Variants in RELCH observed in about 807,000 individuals in gnomAD.
The protein encoded by RELCH is RAB11-binding protein RELCH.
In RELCH, 41 loss-of-function variants were observed where a neutral mutation model predicts 150.3. The ratio of observed to expected loss-of-function variants is 0.27; its 90% CI spans 0.21 to 0.35. The LOEUF (loss-of-function observed/expected upper bound fraction) is 0.35. RELCH is among the 10% of genes least tolerant of loss of function. The pLI, the probability that RELCH is intolerant of heterozygous loss-of-function variation, is 1.00. For missense variants in RELCH, 1,092 were observed against 1,467.8 expected (o/e 0.74, Z 4.18); for synonymous variants, 478 against 531.8 (o/e 0.90, Z 1.39).
chr18:62,213,729 CA>C (rs5825484), intron 2 of RELCH, among the ~76,000 whole-genome samples: 98 of 80,456 alleles, frequency 1.2e-3, no homozygotes, highest in Non-Finnish European at 1.4e-3. Flanking sequence ...GACTCAGTCT[CA>C]AAAAAAAAAA....
rs2045907666 is a variant in RELCH at position 62,307,264 on chromosome 18, T to TTTACCTATTTTGGTTTAG, written c.*1732_*1733insACCTATTTTGGTTTAGTT. The TTTACCTATTTTGGTTTAG allele has an allele frequency of 6.6e-6, 1 of 151,650 alleles. No homozygotes were observed. The highest frequency in any genetic ancestry group is 1.5e-5 in the Non-Finnish European group (1 of 67,896). The allele number at this position is 151,650 out of a possible 1,614,324, so 9.4% of individuals were successfully genotyped here. The stretch of plus-strand genomic sequence containing the variant: ...ATATAAATTTACCTATTTTGGTTTA[T>TTTACCTATTTTGGTTTAG]TTTTACTAAAAGGGGACCATGTTGC... On this transcript the variant is annotated 3_prime_UTR_variant, in exon 29 of 29. Coordinates refer to ENST00000644646, the MANE Select transcript of RELCH (RefSeq NM_001346231.2).
In RELCH at chr18:62,252,655, A is replaced by G; in HGVS notation, c.1734-9A>G. Reference sequence around the variant, plus strand: ...GCAAATACAAGCCGTTTTTTATATTATTTTTCAGGCAAATGATACTGACAG... The same window carrying G: ...GCAAATACAAGCCGTTTTTTATATTGTTTTTCAGGCAAATGATACTGACAG... On this transcript the variant is annotated splice_polypyrimidine_tract_variant and intron_variant, in intron 11 of 28. Transcript: ENST00000644646. 1 of 1,612,562 alleles carries G rather than the reference A, an allele frequency of 6.2e-7. No homozygotes were observed. The highest frequency in any genetic ancestry group is 1.7e-5 in the Admixed American group (1 of 59,974).
intron 8 of RELCH, among the ~76,000 whole-genome samples, chr18:62,230,062 G>A (rs2041473706): frequency 6.6e-6 from 1 of 152,098 alleles, no homozygotes; most frequent in Non-Finnish European, 1.5e-5. Context: ...AGTAAGAAAT[G>A]ATGGAGGCCT....
rs770671347 is a variant in RELCH at position 62,187,718 on chromosome 18, C to A, written c.213C>A (p.Leu71=). 53 of 1,607,070 alleles carry A rather than the reference C, an allele frequency of 3.3e-5. No individual in the cohort carries two copies. The highest frequency in any genetic ancestry group is 6.7e-5 in the Admixed American group (4 of 59,606). Residue 71 remains leucine, a synonymous_variant, in exon 1 of 29, where the codon CTC becomes CTA. Coordinates refer to ENST00000644646, the MANE Select transcript of RELCH (RefSeq NM_001346231.2). The part of the protein sequence containing the change: ...VALGSSARPG[L]PGEASAAAVA... ...TAGGAAGCAGTGCGCGGCCAGGGCT[C>A]CCTGGGGAGGCGTCGGCGGCTGCAG...
At chr18:62,244,076 G>A (rs1472140265) in intron 10 of RELCH, among the ~76,000 whole-genome samples, 2 of 152,012 alleles carry the variant, frequency 1.3e-5, no homozygotes, top group Non-Finnish European at 2.9e-5. Context: ...TAATTAAAAT[G>A]TAAAACAATG....
At chr18:62,251,312 G>C (rs765460943) in intron 11 of RELCH, among the ~76,000 whole-genome samples, 8 of 152,212 alleles carry the variant, frequency 5.3e-5, no homozygotes, top group Non-Finnish European at 7.3e-5. Context: ...AGAAGGGTTT[G>C]CTTTTAATCT....
intron 19 of RELCH, among the ~76,000 whole-genome samples, chr18:62,267,674 C>T (rs572253102): frequency 6.6e-6 from 1 of 151,476 alleles, no homozygotes; most frequent in South Asian, 2.1e-4. Context: ...GGGCGGTGGA[C>T]AAATAACTCC....
chr18:62,187,305 G>A lies in RELCH; in HGVS notation c.-201G>A, dbSNP rs114799490. The A allele has an allele frequency of 1.6e-3, 665 of 419,328 alleles. 5 individuals are homozygous for A. Among genetic ancestry groups the A allele is most frequent in the African/African-American group, 0.013 (627 of 49,508 alleles). The allele number at this position is 419,328 out of a possible 1,614,324, so 26.0% of individuals were successfully genotyped here. A position where few individuals can be genotyped will look rare whatever the true frequency, so the allele number is the denominator to read the frequency against. On this transcript the variant is annotated 5_prime_UTR_variant, in exon 1 of 29. Transcript: ENST00000644646. ...AAGACGCCTGCAGAGCCGGGCTGCT[G>A]GTGCAGCAGAGGCTGAGGCATCAGG... is the stretch of plus-strand genomic sequence containing the variant.
chr18:62,231,146 C>A, intron 8 of RELCH, 48 bp from the exon 9 acceptor site: 1 of 1,196,502 alleles, frequency 8.4e-7, no homozygotes, highest in South Asian at 1.2e-5. Flanking sequence ...CCTTAAATGT[C>A]AATGGTAATT....
At chr18:62,214,549 A>G (rs1468812541) in intron 2 of RELCH, among the ~76,000 whole-genome samples, 1 of 152,078 alleles carries the variant, frequency 6.6e-6, no homozygotes, top group Admixed American at 6.6e-5. Flanking sequence ...TCCTCTTGAC[A>G]TTGCTCTGAT....
intron 1 of RELCH, among the ~76,000 whole-genome samples, chr18:62,207,377 C>A (rs1328773330): frequency 2.6e-5 from 4 of 152,262 alleles, no homozygotes; most frequent in African/African-American, 9.6e-5. Flanking sequence ...CAGATATATA[C>A]CACATTTTAT....
At chr18:62,226,514 G>A (rs182277864) in intron 5 of RELCH, among the ~76,000 whole-genome samples, 111 of 152,142 alleles carry the variant, frequency 7.3e-4, no homozygotes, top group Admixed American at 1.4e-3. Context: ...TATGTATTAA[G>A]TTGGAGTAAT....
intron 12 of RELCH, among the ~76,000 whole-genome samples, chr18:62,254,533 C>T (rs1299490875): frequency 6.6e-6 from 1 of 152,146 alleles, no homozygotes; most frequent in African/African-American, 2.4e-5. Context: ...GAGGTAACTA[C>T]ATCTGGATTA....
chr18:62,267,479 T>C (rs1477666260), intron 19 of RELCH, among the ~76,000 whole-genome samples: 1 of 88,152 alleles, frequency 1.1e-5, no homozygotes, highest in East Asian at 4.8e-4. Context: ...ATAGTCTAGG[T>C]ATATATGTGT....
intron 21 of RELCH, 65 bp downstream of exon 21, chr18:62,274,151 T>C (rs1163555106): frequency 4.0e-6 from 4 of 1,006,806 alleles, no homozygotes; most frequent in Non-Finnish European, 6.1e-6. Context: ...ATTTATAGAG[T>C]ACATATTTTA....
At chr18:62,292,546 C>T (rs543323818) in intron 27 of RELCH, among the ~76,000 whole-genome samples, 10 of 152,266 alleles carry the variant, frequency 6.6e-5, no homozygotes, top group African/African-American at 2.2e-4. Context: ...TCTGCTCTAA[C>T]CCCATGCTGG....
At chr18:62,260,292 A>G (rs62094284) in intron 15 of RELCH, among the ~76,000 whole-genome samples, 1 of 150,812 alleles carries the variant, frequency 6.6e-6, no homozygotes, top group Non-Finnish European at 1.5e-5. Flanking sequence ...AGTGTTTAAC[A>G]TCACTAATCA....
Position 62,255,399 on chromosome 18 carries a change from T to G in RELCH, c.1825-8T>G, listed in dbSNP as rs890991622. On this transcript the variant is annotated splice_region_variant and splice_polypyrimidine_tract_variant and intron_variant, in intron 12 of 28. Transcript: ENST00000644646. ...TTATGCTTGATTTATTTATTTTTTT[T>G]GCTCTAGATTAATCACAAATACCCA... is the stretch of plus-strand genomic sequence containing the variant. 2 of 1,596,282 alleles carry G rather than the reference T, an allele frequency of 1.3e-6. No homozygotes were observed. The highest frequency in any genetic ancestry group is 1.3e-5 in the African/African-American group (1 of 74,642).
intron 26 of RELCH, among the ~76,000 whole-genome samples, chr18:62,289,579 G>A (rs891691979): frequency 6.6e-6 from 1 of 152,156 alleles, no homozygotes; most frequent in Admixed American, 6.5e-5. Flanking sequence ...CTAAGGTACA[G>A]AGCTAATACT....
Sources: allele counts gnomAD v4.1 joint callset (sites outside exome capture counted in the v4.1 genomes callset), GRCh38; gene constraint gnomAD v4.1.1; transcripts MANE v1.5; gene names NCBI Gene and HGNC (gene_info 2026-07-23, HGNC 2026-07-21).